Variants in TOP1MT observed in about 807,000 individuals in gnomAD.
TOP1MT encodes the protein DNA topoisomerase I mitochondrial, also known as DNA topoisomerase I, mitochondrial.
In TOP1MT, 80 loss-of-function variants were observed where a neutral mutation model predicts 73.9. That is an observed-to-expected ratio of 1.08 (90% CI 0.90 to 1.30). The LOEUF is 1.30. Ranked by LOEUF, TOP1MT falls within the 50% of genes most tolerant of loss-of-function variation. The probability of loss-of-function intolerance (pLI) is 0.00; values close to 1 mark genes in which losing one functional copy is unlikely to be tolerated. For missense variants in TOP1MT, 815 were observed against 808.0 expected (o/e 1.01, Z -0.10); for synonymous variants, 338 against 326.4 (o/e 1.04, Z -0.38).
rs762508243 is a variant in TOP1MT at position 143,325,418 on chromosome 8, C to T, written c.599G>A (p.Arg200His). 23 of 1,612,702 alleles carry T rather than the reference C, an allele frequency of 1.4e-5. No homozygotes were observed. Among genetic ancestry groups the T allele is most frequent in the South Asian group, 4.4e-5 (4 of 91,070 alleles). ...CATCCCCATCTTGGGATGGTCGCCA[C>T]GGCCACGGAACAAGCCAGGCGGCTC... is the stretch of plus-strand genomic sequence containing the variant. ...KIEPPGLFRG[R>H]GDHPKMGMLK... The change falls in exon 5 of 14, where the codon CGT becomes CAT. Residue 200 changes from arginine (R) to histidine (H), a missense_variant. Arg to His is a conservative substitution (Grantham distance 29). This residue lies in a region of TOP1MT where 751 missense variants were observed against 725.4 expected (regional missense o/e 1.04). Transcript: ENST00000329245.
chr8:143,309,677 T>C, intron 13 of TOP1MT, 134 bp from the exon 14 acceptor site: 1 of 1,520,670 alleles, frequency 6.6e-7, no homozygotes, highest in Non-Finnish European at 8.8e-7. Flanking sequence ...TGGGACCTGC[T>C]CCTCTAGGCC....
chr8:143,350,445 C>T (rs1817301565), intron 1 of TOP1MT, among the ~76,000 whole-genome samples: 1 of 152,246 alleles, frequency 6.6e-6, no homozygotes, highest in South Asian at 2.1e-4. Context: ...GATTCTCCTG[C>T]CTCAGCCTCC....
At position 143,324,285 on chromosome 8, in the gene TOP1MT, G is replaced by A. The variant is rs1816643223; in HGVS notation, c.817-143C>T. 2.9e-6 allele frequency: 4 copies of A among 1,356,856 alleles called. No homozygotes were observed. The East Asian group carries it at 7.1e-5, about 24-fold the overall frequency. The allele number at this position is 1,356,856 out of a possible 1,614,324, so 84.1% of individuals were successfully genotyped here. The stretch of plus-strand genomic sequence containing the variant: ...GGGGCTGGGGCAGCAAATCTAGCTG[G>A]GTGATGCCGGCAGTGAGCACCCATG... On this transcript the variant is annotated intron_variant, in intron 6 of 13. Transcript: ENST00000329245.
rs1473218455 is a variant in TOP1MT at position 143,322,617 on chromosome 8, CCA to C, written c.961-1233_961-1232del. 9.1e-4 allele frequency among the ~76,000 whole-genome samples: 90 copies of C among 98,504 alleles called. 4 individuals are homozygous for C. Among genetic ancestry groups the C allele is most frequent in the African/African-American group, 3.4e-3 (86 of 25,230 alleles). 64.6% of individuals were successfully genotyped at this position (98,504 alleles called of 152,430 possible). A position where few individuals can be genotyped will look rare whatever the true frequency, so the allele number is the denominator to read the frequency against. On this transcript the variant is annotated intron_variant, in intron 7 of 13. Transcript: ENST00000329245. ...CACATGCAGGCCACACACATGCATGCCACACAGGCACGTCACACACACACGCC... is the reference window on the plus strand; with the variant it reads ...CACATGCAGGCCACACACATGCATGCCACAGGCACGTCACACACACACGCC...
intron 7 of TOP1MT, among the ~76,000 whole-genome samples, chr8:143,322,671 A>ACACG: frequency 8.2e-6 from 1 of 121,522 alleles, no homozygotes; most frequent in Admixed American, 7.9e-5. Context: ...CGCACGCCAC[A>ACACG]CACGCACGCC....
upstream of TOP1MT, among the ~76,000 whole-genome samples, chr8:143,346,421 C>G (rs972480698): frequency 9.2e-5 from 14 of 152,190 alleles, no homozygotes; most frequent in Non-Finnish European, 1.5e-5. Flanking sequence ...TTTCCCTTGC[C>G]AAGATCTCAC....
intron 1 of TOP1MT, among the ~76,000 whole-genome samples, chr8:143,354,652 C>T (rs919355993): frequency 1.3e-4 from 19 of 151,344 alleles, no homozygotes; most frequent in East Asian, 3.9e-4. Context: ...GCGGAGGTTG[C>T]GGTGAGCCGA....
chr8:143,340,916 C>T (rs961309756), intron 2 of TOP1MT, among the ~76,000 whole-genome samples: 6 of 152,164 alleles, frequency 3.9e-5, no homozygotes, highest in African/African-American at 1.4e-4. Context: ...CCGTAACTCT[C>T]CTTTCTGCTC....
chr8:143,332,734 AG>A, intron 1 of TOP1MT: 1 of 437,242 alleles, frequency 2.3e-6, no homozygotes, highest in South Asian at 1.8e-5. Context: ...AACGGGCTCA[AG>A]AACCTTCCAG....
intron 1 of TOP1MT, among the ~76,000 whole-genome samples, chr8:143,355,139 A>C (rs1817386848): frequency 6.6e-6 from 1 of 152,196 alleles, no homozygotes; most frequent in Admixed American, 6.5e-5. Flanking sequence ...CATGGCAGAC[A>C]CAACCGGGGA....
At chr8:143,322,986 ACACG>A (rs1173583549) in intron 7 of TOP1MT, among the ~76,000 whole-genome samples, 35 of 115,270 alleles carry the variant, frequency 3.0e-4, no homozygotes, top group African/African-American at 1.1e-3. Flanking sequence ...CGCACGCCAC[ACACG>A]CACGCCACAC....
rs890537825 is a variant in TOP1MT, at chr8:143,341,218, CT to C, written c.29+2001del. Among the ~76,000 whole-genome samples, 5 of 150,658 alleles carry C rather than the reference CT, an allele frequency of 3.3e-5. No homozygotes were observed. Among genetic ancestry groups the C allele is most frequent in the East Asian group, 1.9e-4 (1 of 5,142 alleles). ...TTTCTCCCCTTTCTCTTCGGATATT[CT>C]TTTTTTTTTCTCAGTTTGTGCCTCT... On this transcript the variant is annotated intron_variant, in intron 2 of 5. Transcript: ENST00000518007. The surrounding 1 kb of genome is among the most constrained non-coding windows in gnomAD (Gnocchi z 4.1).
intron 1 of TOP1MT, chr8:143,355,502 G>A (rs527428760): frequency 6.6e-6 from 1 of 152,344 alleles, no homozygotes; most frequent in East Asian, 1.9e-4. Context: ...GAGAGCAGAG[G>A]GAGAGAAAGG....
intron 5 of TOP1MT, among the ~76,000 whole-genome samples, chr8:143,324,969 C>T (rs531337504): frequency 7.9e-5 from 12 of 152,358 alleles, no homozygotes; most frequent in African/African-American, 2.9e-4. Context: ...GTCCCTACTC[C>T]ACCCTGTGGT....
At chr8:143,357,093 CAAAA>C (rs36125491), upstream of TOP1MT, among the ~76,000 whole-genome samples, 3 of 89,740 alleles carry the variant, frequency 3.3e-5, no homozygotes, top group Non-Finnish European at 2.2e-5. Flanking sequence ...GACTCCATCT[CAAAA>C]AAAAAAAAAA....
At chr8:143,333,461 T>A (rs866249018) in intron 1 of TOP1MT, among the ~76,000 whole-genome samples, 44 of 151,864 alleles carry the variant, frequency 2.9e-4, no homozygotes, top group Non-Finnish European at 6.0e-4. Flanking sequence ...ATAATAATAA[T>A]AAAAATAAAA....
intron 12 of TOP1MT, among the ~76,000 whole-genome samples, chr8:143,311,019 CAT>C (rs1815999416): frequency 1.4e-5 from 2 of 146,486 alleles, no homozygotes; most frequent in Admixed American, 1.4e-4. Context: ...AGTGCAGTTG[CAT>C]GATCTCAGCT....
chr8:143,322,686 ACGCACGC>A (rs1816508636), intron 7 of TOP1MT, among the ~76,000 whole-genome samples: 1 of 97,012 alleles, frequency 1.0e-5, no homozygotes, highest in African/African-American at 5.5e-5. Flanking sequence ...CACGCCACAC[ACGCACGC>A]CACACGCACG....
chr8:143,332,937 T>A (rs1420931399), intron 1 of TOP1MT, among the ~76,000 whole-genome samples: 1 of 152,152 alleles, frequency 6.6e-6, no homozygotes, highest in Non-Finnish European at 1.5e-5. Flanking sequence ...GCAGAGCTTT[T>A]CCACGTCAGG....
Sources: allele counts gnomAD v4.1 joint callset (sites outside exome capture counted in the v4.1 genomes callset), GRCh38; gene constraint gnomAD v4.1.1; regional missense constraint gnomAD v4.1.1; non-coding constraint Gnocchi (gnomAD v3.1); transcripts MANE v1.5; gene names NCBI Gene and HGNC (gene_info 2026-07-23, HGNC 2026-07-21).